Variants in CYP4Z1 observed in about 807,000 individuals in gnomAD.
CYP4Z1 encodes the protein cytochrome P450 family 4 subfamily Z member 1.
A neutral mutation model predicts 54.2 loss-of-function variants in CYP4Z1; 41 were observed. The observed-to-expected ratio is 0.76, with a 90% CI of 0.59 to 0.98. The LOEUF (loss-of-function observed/expected upper bound fraction) is 0.98, where lower values mean the gene tolerates loss of function less well. Ranked by LOEUF, CYP4Z1 falls within the 50% of genes least tolerant of loss-of-function variation. The pLI, the probability that CYP4Z1 is intolerant of heterozygous loss-of-function variation, is 0.00. For missense variants in CYP4Z1, 513 were observed against 599.0 expected, an observed-to-expected ratio of 0.86 and a Z score of 1.50; for synonymous variants, 163 against 206.2, an observed-to-expected ratio of 0.79 and a Z score of 1.79.
the CYP4Z1 span, among the ~76,000 whole-genome samples, chr1:47,060,215 T>C: frequency 6.6e-6 from 1 of 151,918 alleles, no homozygotes; most frequent in African/African-American, 2.4e-5. Flanking sequence ...AAAAAATTAA[T>C]AGATTATTGA....
At chr1:47,094,503 T>A (rs1644662311) in intron 6 of CYP4Z1, 63 bp from the exon 7 acceptor site, 1 of 1,162,464 alleles carries the variant, frequency 8.6e-7, no homozygotes, top group African/African-American at 1.6e-5. Context: ...CAGAACTACA[T>A]TTGGCTTTGA....
chr1:47,105,659 GTGTAATTATCTACTTGCTA>G (rs1237130310), intron 8 of CYP4Z1, among the ~76,000 whole-genome samples: 1 of 152,168 alleles, frequency 6.6e-6, no homozygotes, highest in Non-Finnish European at 1.5e-5. Context: ...TCTATTTGAA[GTGTAATTATCTACTTGCTA>G]TGTTGGTTCC....
chr1:47,083,294 T>C (rs1644568898), intron 4 of CYP4Z1, among the ~76,000 whole-genome samples: 3 of 152,218 alleles, frequency 2.0e-5, no homozygotes, highest in Admixed American at 6.5e-5. Context: ...TTATCCTTTA[T>C]GACCCTCGTC....
chr1:47,063,296 G>GA (rs1644433528), upstream of CYP4Z1, among the ~76,000 whole-genome samples: 1 of 151,808 alleles, frequency 6.6e-6, no homozygotes, highest in Admixed American at 6.6e-5. Context: ...GAAGGAACCA[G>GA]AAAAAAACAA....
chr1:47,092,725 T>C (rs527405071), intron 6 of CYP4Z1, among the ~76,000 whole-genome samples: 1 of 152,042 alleles, frequency 6.6e-6, no homozygotes, highest in African/African-American at 2.4e-5. Context: ...ATCTCCAACA[T>C]TTTCTGTTGC....
At chr1:47,061,364 C>T in the CYP4Z1 span, among the ~76,000 whole-genome samples, 1 of 152,104 alleles carries the variant, frequency 6.6e-6, no homozygotes. Flanking sequence ...CCACTGACCC[C>T]ACAGAAATAA....
intron 6 of CYP4Z1, among the ~76,000 whole-genome samples, chr1:47,089,972 T>G (rs1644627154): frequency 6.6e-6 from 1 of 152,276 alleles, no homozygotes; most frequent in African/African-American, 2.4e-5. Flanking sequence ...AATCTCACAA[T>G]TCCTTTCCTT....
intron 11 of CYP4Z1, among the ~76,000 whole-genome samples, chr1:47,117,104 A>G (rs1483047104): frequency 2.6e-5 from 4 of 152,200 alleles, no homozygotes; most frequent in Non-Finnish European, 4.4e-5. Flanking sequence ...ATGTTGTTCT[A>G]AAGTCCAAGT....
Position 47,067,453 on chromosome 1 carries a change from T to A in CYP4Z1, c.-38T>A. On this transcript the variant is annotated 5_prime_UTR_variant, in exon 1 of 12. Transcript: ENST00000334194. The stretch of plus-strand genomic sequence containing the variant: ...AGACCTGCATTCTCCCTGGCTCAGT[T>A]CTCTCAGGCTCTCCAGAGCTCAGGA... 1 of 1,538,206 alleles carries A rather than the reference T, an allele frequency of 6.5e-7. No homozygotes were observed. Among genetic ancestry groups the A allele is most frequent in the Non-Finnish European group, 8.8e-7 (1 of 1,138,172 alleles).
chr1:47,095,333 A>G, intron 7 of CYP4Z1, among the ~76,000 whole-genome samples: 1 of 152,150 alleles, frequency 6.6e-6, no homozygotes, highest in Non-Finnish European at 1.5e-5. Flanking sequence ...CCCATCCTAG[A>G]AGACTAGGAT....
At chr1:47,066,265 T>C (rs551673638), upstream of CYP4Z1, among the ~76,000 whole-genome samples, 2 of 152,238 alleles carry the variant, frequency 1.3e-5, no homozygotes, top group African/African-American at 2.4e-5. Context: ...TTGATGAACA[T>C]AGATGCAAAA....
At chr1:47,116,252 T>C (rs1644829551) in intron 10 of CYP4Z1, among the ~76,000 whole-genome samples, 1 of 152,162 alleles carries the variant, frequency 6.6e-6, no homozygotes, top group Non-Finnish European at 1.5e-5. Context: ...AGTCACTGGC[T>C]CAGTCCATTT....
chr1:47,113,785 G>A (rs540841571), intron 9 of CYP4Z1, among the ~76,000 whole-genome samples: 78 of 152,236 alleles, frequency 5.1e-4, no homozygotes, highest in African/African-American at 1.9e-3. Flanking sequence ...GCTGCTCAAT[G>A]AAATAAAAGA....
intron 7 of CYP4Z1, among the ~76,000 whole-genome samples, chr1:47,097,442 G>A (rs927072618): frequency 2.0e-5 from 3 of 152,168 alleles, no homozygotes; most frequent in African/African-American, 7.2e-5. Flanking sequence ...GGTTTTTATA[G>A]TTTTGGGTTT....
chr1:47,076,990 T>C (rs1179231310), intron 2 of CYP4Z1, among the ~76,000 whole-genome samples: 1 of 151,968 alleles, frequency 6.6e-6, no homozygotes, highest in African/African-American at 2.4e-5. Context: ...TGAGACTTTT[T>C]TTGTGACTTA....
chr1:47,110,844 T>C (rs967002055), intron 9 of CYP4Z1, among the ~76,000 whole-genome samples: 4 of 151,570 alleles, frequency 2.6e-5, no homozygotes, highest in African/African-American at 9.7e-5. Flanking sequence ...ATTGGGTTTT[T>C]GAAGCTCTAA....
chr1:47,084,391 A>G (rs1644576594), intron 4 of CYP4Z1, among the ~76,000 whole-genome samples: 2 of 151,574 alleles, frequency 1.3e-5, no homozygotes, highest in South Asian at 2.1e-4. Flanking sequence ...AAAAAGAGGG[A>G]AAAATAGCTA....
chr1:47,097,406 A>T (rs866674911), intron 7 of CYP4Z1, among the ~76,000 whole-genome samples: 12 of 152,280 alleles, frequency 7.9e-5, no homozygotes, highest in Admixed American at 3.9e-4. Flanking sequence ...TATGTCCTGA[A>T]TGGTATTGCC....
chr1:47,112,336 C>G (rs1362422256), intron 9 of CYP4Z1, among the ~76,000 whole-genome samples: 2 of 152,058 alleles, frequency 1.3e-5, no homozygotes, highest in African/African-American at 4.8e-5. Flanking sequence ...TCTAAGCATG[C>G]CAATTTTCAC....
Sources: gnomAD v4.1 joint callset for allele counts (sites outside exome capture counted in the v4.1 genomes callset) on GRCh38, gnomAD v4.1.1 for gene constraint, MANE v1.5 for transcripts, NCBI Gene and HGNC (gene_info 2026-07-23, HGNC 2026-07-21) for gene names.